The following GALNT13 variants were observed in gnomAD, a reference collection of about 807,000 sequenced individuals.
GALNT13 encodes the protein polypeptide N-acetylgalactosaminyltransferase 13.
Under a neutral mutation model 64.2 loss-of-function variants are expected in GALNT13, and 28 were observed. The ratio of observed to expected loss-of-function variants is 0.44; its 90% CI spans 0.32 to 0.60. GALNT13 has a LOEUF of 0.60. Among genes scored for constraint, GALNT13 ranks in the 20% least tolerant of loss-of-function variants. GALNT13 has a pLI of 0.05. For missense variants in GALNT13, 577 were observed against 669.8 expected, an observed-to-expected ratio of 0.86 and a Z score of 1.53; for synonymous variants, 214 against 224.6, an observed-to-expected ratio of 0.95 and a Z score of 0.42.
chr2:154,335,242 C>CTG (rs71398306), intron 9 of GALNT13, among the ~76,000 whole-genome samples: 53,208 of 151,510 alleles, frequency 0.35, 9,614 homozygotes, highest in Middle Eastern at 0.57. Context: ...AAAAAAAAGA[C>CTG]GAGTCACGAT....
chr2:153,452,138 C>T, the GALNT13 span, among the ~76,000 whole-genome samples: 1 of 152,162 alleles, frequency 6.6e-6, no homozygotes, highest in African/African-American at 2.4e-5. Context: ...GCACTTGATG[C>T]TCTTTTTGCC....
At chr2:153,308,070 GA>G in the GALNT13 span, among the ~76,000 whole-genome samples, 1 of 151,938 alleles carries the variant, frequency 6.6e-6, no homozygotes, top group Non-Finnish European at 1.5e-5. Flanking sequence ...AAAATATTCA[GA>G]AAAAAATGCT....
chr2:153,613,077 T>A, the GALNT13 span, among the ~76,000 whole-genome samples: 1 of 152,130 alleles, frequency 6.6e-6, no homozygotes, highest in Non-Finnish European at 1.5e-5. Context: ...TCATTATTCA[T>A]GTGACTTTTG....
At chr2:153,683,447 A>T in the GALNT13 span, among the ~76,000 whole-genome samples, 2 of 150,594 alleles carry the variant, frequency 1.3e-5, no homozygotes, top group African/African-American at 4.9e-5. Flanking sequence ...GAAAAACCTC[A>T]CTTTAAAAAT....
chr2:153,767,820 G>C, the GALNT13 span, among the ~76,000 whole-genome samples: 1 of 149,886 alleles, frequency 6.7e-6, no homozygotes, highest in Admixed American at 6.6e-5. Flanking sequence ...CTGTTTAGTT[G>C]TTTGAGTTCC....
chr2:153,680,257 T>A, the GALNT13 span, among the ~76,000 whole-genome samples: 1 of 151,702 alleles, frequency 6.6e-6, no homozygotes, highest in African/African-American at 2.4e-5. Flanking sequence ...AGACGAAGAA[T>A]GGAGTTATGT....
At chr2:153,264,264 G>A in the GALNT13 span, among the ~76,000 whole-genome samples, 4 of 151,802 alleles carry the variant, frequency 2.6e-5, no homozygotes, top group Non-Finnish European at 4.4e-5. Context: ...TTTGAATGGC[G>A]ACTATTAAAA....
intron 3 of GALNT13, among the ~76,000 whole-genome samples, chr2:154,136,505 G>A (rs1020161011): frequency 3.3e-5 from 5 of 152,020 alleles, no homozygotes; most frequent in Admixed American, 1.3e-4. Flanking sequence ...TGTTCACAAT[G>A]TAATATACAT....
chr2:153,564,034 T>G, the GALNT13 span, among the ~76,000 whole-genome samples: 3 of 152,134 alleles, frequency 2.0e-5, no homozygotes, highest in Admixed American at 6.5e-5. Context: ...GGATTTTTGA[T>G]AGTTTTGATA....
intron 3 of GALNT13, among the ~76,000 whole-genome samples, chr2:154,129,033 T>A (rs530876077): frequency 6.6e-6 from 1 of 152,154 alleles, no homozygotes; most frequent in Non-Finnish European, 1.5e-5. Context: ...TAGCCTTATT[T>A]TATTGTTTTT....
At chr2:153,306,878 A>C in the GALNT13 span, among the ~76,000 whole-genome samples, 3 of 152,112 alleles carry the variant, frequency 2.0e-5, no homozygotes, top group Non-Finnish European at 4.4e-5. Flanking sequence ...CTGGGATTAC[A>C]GGCACACACC....
chr2:153,927,860 A>C (rs80187886), intron 2 of GALNT13, among the ~76,000 whole-genome samples: 1 of 152,084 alleles, frequency 6.6e-6, no homozygotes, highest in African/African-American at 2.4e-5. Flanking sequence ...GAAGAAGACT[A>C]TTTCACCTAT....
chr2:154,257,985 A>T (rs1278285801), intron 7 of GALNT13, among the ~76,000 whole-genome samples: 2 of 152,120 alleles, frequency 1.3e-5, no homozygotes. Context: ...AGCCAATTAA[A>T]TCTAAATCTG....
At chr2:154,359,051 A>G (rs1696914315) in intron 9 of GALNT13, among the ~76,000 whole-genome samples, 1 of 152,126 alleles carries the variant, frequency 6.6e-6, no homozygotes, top group African/African-American at 2.4e-5. Flanking sequence ...TGCTGTTTGC[A>G]GGGCTGTCTT....
At chr2:153,898,584 T>C (rs1390765522) in intron 1 of GALNT13, among the ~76,000 whole-genome samples, 1 of 152,234 alleles carries the variant, frequency 6.6e-6, no homozygotes, top group East Asian at 1.9e-4. Flanking sequence ...AAAATTATTA[T>C]ATGAGGTCTC....
chr2:153,518,806 A>T, the GALNT13 span, among the ~76,000 whole-genome samples: 1 of 152,124 alleles, frequency 6.6e-6, no homozygotes, highest in African/African-American at 2.4e-5. Flanking sequence ...GCCTTTTCTT[A>T]TCAGTCCCAG....
At chr2:153,683,418 G>A in the GALNT13 span, among the ~76,000 whole-genome samples, 66 of 121,322 alleles carry the variant, frequency 5.4e-4, no homozygotes, top group East Asian at 8.0e-3. Flanking sequence ...AAAAATTGTG[G>A]TTTGCATATA....
At chr2:154,034,863 A>T (rs1464477926) in intron 3 of GALNT13, among the ~76,000 whole-genome samples, 1 of 152,186 alleles carries the variant, frequency 6.6e-6, no homozygotes. Context: ...GTCGTGAGGT[A>T]TCATCTTACA....
intron 3 of GALNT13, among the ~76,000 whole-genome samples, chr2:154,060,935 C>T (rs796437032): frequency 1.1e-4 from 17 of 151,954 alleles, no homozygotes; most frequent in South Asian, 6.2e-4. Context: ...ATCTAGCCGA[C>T]GTGAAATTAT....
Sources: gnomAD v4.1 joint callset for allele counts (sites outside exome capture counted in the v4.1 genomes callset) on GRCh38, gnomAD v4.1.1 for gene constraint, MANE v1.5 for transcripts, NCBI Gene and HGNC (gene_info 2026-07-23, HGNC 2026-07-21) for gene names.